Variants in IGFL2 observed in about 807,000 individuals in gnomAD.
IGFL2 encodes the protein IGF like family member 2.
Under a neutral mutation model 13.9 loss-of-function variants are expected in IGFL2, and 7 were observed. The ratio of observed to expected loss-of-function variants is 0.51; its 90% CI spans 0.29 to 0.95. The LOEUF is 0.95. Ranked by LOEUF, IGFL2 falls within the 40% of genes least tolerant of loss-of-function variation. The pLI is 0.08. For synonymous variants in IGFL2, 55 were observed against 55.8 expected (o/e 0.99, Z 0.07); for missense variants, 138 against 147.8 (o/e 0.93, Z 0.34).
the IGFL2 span, among the ~76,000 whole-genome samples, chr19:46,104,515 G>T: frequency 5.9e-5 from 9 of 152,154 alleles, no homozygotes; most frequent in African/African-American, 1.7e-4. Context: ...TCTGGAAAAA[G>T]GGAAGAAATG....
chr19:46,186,347 C>T, the IGFL2 span, among the ~76,000 whole-genome samples: 1 of 152,206 alleles, frequency 6.6e-6, no homozygotes, highest in African/African-American at 2.4e-5. Context: ...AGGGTTTTCT[C>T]TGGCGCTCCG....
the IGFL2 span, chr19:46,136,779 C>G: frequency 1.6e-6 from 1 of 644,934 alleles, no homozygotes; most frequent in East Asian, 3.4e-5. Flanking sequence ...CTCTGTCTCT[C>G]CAACCCGTTT....
the IGFL2 span, among the ~76,000 whole-genome samples, chr19:46,191,496 G>A: frequency 6.6e-6 from 1 of 152,168 alleles, no homozygotes; most frequent in African/African-American, 2.4e-5. Context: ...AGTAAACGTT[G>A]CCAGAGTGGA....
the IGFL2 span, among the ~76,000 whole-genome samples, chr19:46,176,773 C>T: frequency 7.2e-5 from 11 of 152,224 alleles, no homozygotes; most frequent in East Asian, 1.5e-3. Context: ...GCGATGTGAC[C>T]GGACCACACT....
At chr19:46,166,641 A>T in the IGFL2 span, among the ~76,000 whole-genome samples, 1 of 152,106 alleles carries the variant, frequency 6.6e-6, no homozygotes, top group Non-Finnish European at 1.5e-5. Flanking sequence ...AGTTTATTTC[A>T]TCTCTGCAAT....
chr19:46,213,387 G>C, the IGFL2 span: 5 of 152,932 alleles, frequency 3.3e-5, no homozygotes, highest in African/African-American at 9.6e-5. Flanking sequence ...AGCTCCTCTA[G>C]GAATATGGGA....
At chr19:46,136,433 G>A in the IGFL2 span, among the ~76,000 whole-genome samples, 1 of 152,022 alleles carries the variant, frequency 6.6e-6, no homozygotes, top group Non-Finnish European at 1.5e-5. Context: ...TTTAAGAATT[G>A]CACAGTGTAA....
At chr19:46,205,603 T>TGAGAGAGA in the IGFL2 span, among the ~76,000 whole-genome samples, 9,059 of 150,472 alleles carry the variant, frequency 0.06, 469 homozygotes, top group East Asian at 0.18. Flanking sequence ...ATTCAGGTGC[T>TGAGAGAGA]GAGAGAGAGA....
At chr19:46,148,139 T>C, upstream of IGFL2, 1 of 664,186 alleles carries the variant, frequency 1.5e-6, no homozygotes, top group East Asian at 2.9e-5. Flanking sequence ...CTGTGGCTTC[T>C]CATGCCCCAC....
At chr19:46,137,070 C>G in the IGFL2 span, 5 of 1,600,946 alleles carry the variant, frequency 3.1e-6, no homozygotes, top group African/African-American at 5.4e-5. Context: ...AAAACTGATC[C>G]TGGGGAAGAC....
the IGFL2 span, among the ~76,000 whole-genome samples, chr19:46,080,139 T>G: frequency 6.6e-6 from 1 of 152,252 alleles, no homozygotes; most frequent in Non-Finnish European, 1.5e-5. Flanking sequence ...TAAAGCCATT[T>G]TAAATGAGTC....
chr19:46,138,618 G>A (rs1972712891), upstream of IGFL2, among the ~76,000 whole-genome samples: 1 of 152,184 alleles, frequency 6.6e-6, no homozygotes, highest in South Asian at 2.1e-4. Flanking sequence ...TTGGCTGGGT[G>A]CATCCTGGTG....
At chr19:46,088,092 C>T in the IGFL2 span, among the ~76,000 whole-genome samples, 1 of 152,206 alleles carries the variant, frequency 6.6e-6, no homozygotes, top group Non-Finnish European at 1.5e-5. Context: ...ACCATTCGCC[C>T]AGTTGATTCT....
the IGFL2 span, among the ~76,000 whole-genome samples, chr19:46,176,532 A>G: frequency 1.3e-5 from 2 of 152,210 alleles, no homozygotes; most frequent in African/African-American, 4.8e-5. Flanking sequence ...CAGGCCTGAC[A>G]TACAGAGCTG....
chr19:46,148,729 T>C (rs749917493), intron 1 of IGFL2: 13 of 725,132 alleles, frequency 1.8e-5, no homozygotes, highest in Middle Eastern at 4.0e-4. Flanking sequence ...GTGTGGTGAG[T>C]GGAGGGAGAA....
At chr19:46,199,181 C>G in the IGFL2 span, among the ~76,000 whole-genome samples, 1 of 152,206 alleles carries the variant, frequency 6.6e-6, no homozygotes, top group African/African-American at 2.4e-5. Flanking sequence ...GGGCTCTGGT[C>G]CAGCCTGTGT....
the IGFL2 span, among the ~76,000 whole-genome samples, chr19:46,103,201 C>A: frequency 2.0e-5 from 3 of 152,076 alleles, no homozygotes; most frequent in African/African-American, 7.3e-5. Context: ...TGTCATATAC[C>A]AGGCCAGATT....
At chr19:46,193,597 T>C in the IGFL2 span, among the ~76,000 whole-genome samples, 1 of 152,104 alleles carries the variant, frequency 6.6e-6, no homozygotes, top group African/African-American at 2.4e-5. Flanking sequence ...AAAAATGGGC[T>C]GAGGTTGCTA....
upstream of IGFL2, among the ~76,000 whole-genome samples, chr19:46,139,871 G>GTATATATT (rs1431115344): frequency 2.0e-5 from 3 of 151,900 alleles, no homozygotes; most frequent in African/African-American, 7.3e-5. Context: ...TTATATGTGT[G>GTATATATT]TATATATTTA....
Sources: allele counts gnomAD v4.1 joint callset (sites outside exome capture counted in the v4.1 genomes callset), GRCh38; gene constraint gnomAD v4.1.1; transcripts MANE v1.5; gene names NCBI Gene and HGNC (gene_info 2026-07-23, HGNC 2026-07-21).